The following RBM47 variants were observed in gnomAD, a reference collection of about 807,000 sequenced individuals.
RBM47 encodes RNA-binding protein 47.
Under a neutral mutation model 47.1 loss-of-function variants are expected in RBM47, and 21 were observed. That is an observed-to-expected ratio of 0.45 (90% confidence interval 0.32 to 0.64). The LOEUF (loss-of-function observed/expected upper bound fraction) is 0.64. Among genes scored for constraint, RBM47 ranks in the 30% least tolerant of loss-of-function variants. The probability of loss-of-function intolerance (pLI) is 0.05; values close to 1 mark genes in which losing one functional copy is unlikely to be tolerated. For missense variants in RBM47, 708 were observed against 870.9 expected (o/e 0.81, Z 2.35); for synonymous variants, 375 against 361.7 (o/e 1.04, Z -0.42).
chr4:40,586,214 GA>G (rs1475692124), intron 1 of RBM47, among the ~76,000 whole-genome samples: 15 of 152,278 alleles, frequency 9.9e-5, no homozygotes, highest in Middle Eastern at 3.4e-3. Flanking sequence ...ATTGGATTCT[GA>G]TCGGTTCATC....
intron 3 of RBM47, among the ~76,000 whole-genome samples, chr4:40,462,990 C>T (rs1421320641): frequency 2.0e-5 from 3 of 152,150 alleles, no homozygotes; most frequent in African/African-American, 7.2e-5. Flanking sequence ...CCAAAGGACA[C>T]TGTCAAGAGA....
chr4:40,526,964 T>C (rs28740885), intron 2 of RBM47, among the ~76,000 whole-genome samples: 5,147 of 152,108 alleles, frequency 0.034, 287 homozygotes, highest in African/African-American at 0.12. Flanking sequence ...AGACTAAAGA[T>C]AGTACAAAAC....
chr4:40,471,513 C>T (rs992231617), intron 2 of RBM47, among the ~76,000 whole-genome samples: 1 of 152,070 alleles, frequency 6.6e-6, no homozygotes, highest in East Asian at 1.9e-4. Flanking sequence ...GCCTGGCCAA[C>T]CTGGTGAAAC....
Position 40,573,755 on chromosome 4 carries a change from A to AAGAG in RBM47, c.-239-29253_-239-29250dup, listed in dbSNP as rs1315115525. On this transcript the variant is annotated intron_variant, in intron 1 of 6. Coordinates refer to ENST00000295971, the MANE Select transcript of RBM47 (RefSeq NM_001098634.2). ...TCTAAAAAAAGAAAAGCAAGAAAGA[A>AAGAG]AGAGAGAGAGAGAGAAAGAAAGAAA... Among the ~76,000 whole-genome samples, 789 of 145,766 alleles carry AAGAG rather than the reference A, an allele frequency of 5.4e-3. 10 individuals are homozygous for AAGAG. Among genetic ancestry groups the AAGAG allele is most frequent in the African/African-American group, 0.02 (741 of 36,608 alleles).
intron 2 of RBM47, among the ~76,000 whole-genome samples, chr4:40,513,603 A>G (rs1014606664): frequency 3.3e-5 from 5 of 152,212 alleles, no homozygotes; most frequent in African/African-American, 9.7e-5. Flanking sequence ...ATTCCCAAGA[A>G]GTATTTATTC....
At chr4:40,532,638 C>CT (rs572505655) in intron 2 of RBM47, among the ~76,000 whole-genome samples, 20 of 143,912 alleles carry the variant, frequency 1.4e-4, no homozygotes, top group African/African-American at 3.2e-4. Context: ...ATTCTTTTTC[C>CT]TTTTTTTTTT....
At chr4:40,576,725 A>G (rs1732376276) in intron 1 of RBM47, among the ~76,000 whole-genome samples, 1 of 152,108 alleles carries the variant, frequency 6.6e-6, no homozygotes, top group Admixed American at 6.6e-5. Flanking sequence ...GTGCAAGCTC[A>G]GCTCATTTCT....
chr4:40,551,807 T>C (rs1359971191), intron 1 of RBM47, among the ~76,000 whole-genome samples: 1 of 151,754 alleles, frequency 6.6e-6, no homozygotes, highest in African/African-American at 2.4e-5. Context: ...TGCCACCACA[T>C]CCAGCTAACT....
At chr4:40,576,609 C>A (rs1477812668) in intron 1 of RBM47, among the ~76,000 whole-genome samples, 1 of 152,098 alleles carries the variant, frequency 6.6e-6, no homozygotes, top group Non-Finnish European at 1.5e-5. Flanking sequence ...ACTCTATCGC[C>A]CAGGCTGGAG....
At chr4:40,546,528 C>T (rs969493480) in intron 1 of RBM47, among the ~76,000 whole-genome samples, 2 of 152,136 alleles carry the variant, frequency 1.3e-5, no homozygotes, top group Admixed American at 6.5e-5. Flanking sequence ...CTCATTCCTG[C>T]GATCCCCTCC....
At chr4:40,529,118 T>G (rs1287534248) in intron 2 of RBM47, among the ~76,000 whole-genome samples, 1 of 152,158 alleles carries the variant, frequency 6.6e-6, no homozygotes, top group African/African-American at 2.4e-5. Flanking sequence ...AATGTGCCGC[T>G]GGCTACCATA....
intron 2 of RBM47, among the ~76,000 whole-genome samples, chr4:40,476,019 G>A (rs752780859): frequency 5.3e-5 from 8 of 152,132 alleles, no homozygotes; most frequent in Non-Finnish European, 1.0e-4. Flanking sequence ...ACTTCATAGA[G>A]GACATTTAAC....
intron 1 of RBM47, among the ~76,000 whole-genome samples, chr4:40,569,058 G>A (rs1731422990): frequency 6.6e-6 from 1 of 151,852 alleles, no homozygotes; most frequent in African/African-American, 2.4e-5. Flanking sequence ...CAGATAGATA[G>A]ATAGTATATG....
chr4:40,497,526 G>T (rs557800594), intron 2 of RBM47, among the ~76,000 whole-genome samples: 214 of 152,112 alleles, frequency 1.4e-3, no homozygotes, highest in African/African-American at 4.9e-3. Context: ...GGCTGAGGAT[G>T]GAGGATGGCT....
intron 2 of RBM47, among the ~76,000 whole-genome samples, chr4:40,498,970 G>A (rs1265701843): frequency 1.3e-5 from 2 of 150,414 alleles, no homozygotes; most frequent in Admixed American, 6.6e-5. Flanking sequence ...GCTTGAACCT[G>A]GGAGGCAGAG....
chr4:40,604,554 G>A (rs1177439536), intron 1 of RBM47, among the ~76,000 whole-genome samples: 1 of 152,162 alleles, frequency 6.6e-6, no homozygotes, highest in African/African-American at 2.4e-5. Context: ...TTGAGCCTGG[G>A]AGTTAAAGGC....
intron 1 of RBM47, among the ~76,000 whole-genome samples, chr4:40,611,566 C>CAA (rs35477494): frequency 6.9e-6 from 1 of 145,606 alleles, no homozygotes; most frequent in East Asian, 2.0e-4. Flanking sequence ...ACTAAAAATA[C>CAA]AAAAAAAAAA....
intron 2 of RBM47, among the ~76,000 whole-genome samples, chr4:40,493,812 G>T (rs1577788533): frequency 6.7e-6 from 1 of 149,876 alleles, no homozygotes; most frequent in East Asian, 2.0e-4. Flanking sequence ...GGTGATGCAT[G>T]CCTGTAATCC....
chr4:40,478,513 T>A (rs1423296987), intron 2 of RBM47, among the ~76,000 whole-genome samples: 4 of 151,970 alleles, frequency 2.6e-5, no homozygotes, highest in Non-Finnish European at 4.4e-5. Context: ...TGAGGTAGAT[T>A]TGGAAAAAGG....
Sources: gnomAD v4.1 joint callset for allele counts (sites outside exome capture counted in the v4.1 genomes callset) on GRCh38, gnomAD v4.1.1 for gene constraint, MANE v1.5 for transcripts, NCBI Gene and HGNC (gene_info 2026-07-23, HGNC 2026-07-21) for gene names.